The following TBC1D5 variants were observed in gnomAD, a reference collection of about 807,000 sequenced individuals.
TBC1D5 encodes TBC1 domain family, member 5.
Under a neutral mutation model 100.3 loss-of-function variants are expected in TBC1D5, and 75 were observed. The ratio of observed to expected loss-of-function variants is 0.75; its 90% CI spans 0.62 to 0.91. The LOEUF (loss-of-function observed/expected upper bound fraction) is 0.91. TBC1D5 is among the 40% of genes least tolerant of loss of function. The pLI is 0.00. For missense variants in TBC1D5, 910 were observed against 942.4 expected (o/e 0.97, Z 0.45); for synonymous variants, 323 against 325.6 (o/e 0.99, Z 0.09).
intron 2 of TBC1D5, among the ~76,000 whole-genome samples, chr3:17,589,155 T>C (rs1185342879): frequency 1.3e-5 from 2 of 152,348 alleles, no homozygotes; most frequent in East Asian, 1.9e-4. Flanking sequence ...TTAAGCTGTA[T>C]TGGGTAATTC....
At chr3:17,688,502 G>A (rs1021349365) in intron 1 of TBC1D5, among the ~76,000 whole-genome samples, 2 of 152,158 alleles carry the variant, frequency 1.3e-5, no homozygotes, top group African/African-American at 4.8e-5. Context: ...TTAGGTTCAG[G>A]CTTCAATTTA....
At chr3:17,700,707 C>T (rs528080601) in intron 1 of TBC1D5, among the ~76,000 whole-genome samples, 31 of 152,176 alleles carry the variant, frequency 2.0e-4, no homozygotes, top group African/African-American at 1.7e-4. Flanking sequence ...GACATCTACG[C>T]GGCCAACAGA....
At chr3:17,595,883 A>G (rs2060529555) in intron 2 of TBC1D5, among the ~76,000 whole-genome samples, 1 of 152,156 alleles carries the variant, frequency 6.6e-6, no homozygotes, top group African/African-American at 2.4e-5. Flanking sequence ...ACCTTGCTAG[A>G]AGTGTTAACA....
At chr3:17,348,795 T>C (rs931654617) in intron 13 of TBC1D5, among the ~76,000 whole-genome samples, 4 of 152,180 alleles carry the variant, frequency 2.6e-5, no homozygotes, top group Non-Finnish European at 5.9e-5. Flanking sequence ...AGAAACCTGT[T>C]CTCTTCATTC....
At chr3:17,639,328 A>G (rs1367131235) in intron 1 of TBC1D5, among the ~76,000 whole-genome samples, 1 of 152,128 alleles carries the variant, frequency 6.6e-6, no homozygotes, top group Non-Finnish European at 1.5e-5. Context: ...GCAAAGCTAT[A>G]AACACTAAAA....
chr3:17,162,646 G>A (rs950736442), intron 21 of TBC1D5, among the ~76,000 whole-genome samples: 5 of 149,714 alleles, frequency 3.3e-5, no homozygotes, highest in African/African-American at 1.3e-4. Context: ...CATAGCACAC[G>A]GTAGTCTGAT....
intron 1 of TBC1D5, among the ~76,000 whole-genome samples, chr3:17,708,325 C>T (rs764031257): frequency 5.3e-4 from 80 of 152,298 alleles, no homozygotes; most frequent in South Asian, 2.3e-3. Flanking sequence ...TATCAAGTAG[C>T]GAATCACATA....
chr3:17,733,252 T>C (rs2076706559), intron 1 of TBC1D5, among the ~76,000 whole-genome samples: 1 of 152,198 alleles, frequency 6.6e-6, no homozygotes, highest in Non-Finnish European at 1.5e-5. Flanking sequence ...TCCCAATGAC[T>C]TCTATTAACC....
At chr3:17,426,099 A>C (rs767488066) in intron 4 of TBC1D5, among the ~76,000 whole-genome samples, 1 of 152,210 alleles carries the variant, frequency 6.6e-6, no homozygotes, top group African/African-American at 2.4e-5. Context: ...TTTAAATAAT[A>C]CAAAGGTAGA....
chr3:17,689,592 A>G, intron 1 of TBC1D5, among the ~76,000 whole-genome samples: 1 of 152,118 alleles, frequency 6.6e-6, no homozygotes, highest in Non-Finnish European at 1.5e-5. Context: ...ATGTAATAAA[A>G]GATAAATGTA....
intron 13 of TBC1D5, among the ~76,000 whole-genome samples, chr3:17,348,934 C>A (rs1373305037): frequency 2.0e-5 from 3 of 152,142 alleles, no homozygotes; most frequent in African/African-American, 4.8e-5. Flanking sequence ...CAATCACAGG[C>A]TGAGTAACAT....
intron 13 of TBC1D5, among the ~76,000 whole-genome samples, chr3:17,350,516 C>CT (rs1467038187): frequency 1.3e-4 from 20 of 152,280 alleles, no homozygotes; most frequent in African/African-American, 4.8e-4. Flanking sequence ...TGAATGTGTA[C>CT]TACCTGCATG....
intron 13 of TBC1D5, among the ~76,000 whole-genome samples, chr3:17,335,890 A>T (rs1274217992): frequency 6.6e-6 from 1 of 152,090 alleles, no homozygotes; most frequent in Non-Finnish European, 1.5e-5. Context: ...ATAGTGCCCA[A>T]ATAAGTATTG....
chr3:17,724,010 A>G (rs1356830038), intron 1 of TBC1D5, among the ~76,000 whole-genome samples: 1 of 150,612 alleles, frequency 6.6e-6, no homozygotes, highest in Non-Finnish European at 1.5e-5. Context: ...GAAAATGTCT[A>G]TTTCACTATT....
At chr3:17,243,998 C>T (rs2076521166) in intron 16 of TBC1D5, among the ~76,000 whole-genome samples, 1 of 152,106 alleles carries the variant, frequency 6.6e-6, no homozygotes, top group Non-Finnish European at 1.5e-5. Context: ...GGAGTAAGTC[C>T]TACATACAAT....
chr3:17,720,864 G>A (rs563101060), intron 1 of TBC1D5, among the ~76,000 whole-genome samples: 19 of 151,450 alleles, frequency 1.3e-4, no homozygotes, highest in African/African-American at 4.6e-4. Context: ...TTTTGAGATG[G>A]AGTCTCACTC....
intron 3 of TBC1D5, among the ~76,000 whole-genome samples, chr3:17,469,648 C>G (rs1295910740): frequency 6.6e-6 from 1 of 152,206 alleles, no homozygotes; most frequent in Non-Finnish European, 1.5e-5. Flanking sequence ...ACCTATCAAT[C>G]AAACCCATGT....
intron 19 of TBC1D5, among the ~76,000 whole-genome samples, chr3:17,176,650 G>T (rs925606786): frequency 1.4e-4 from 22 of 152,030 alleles, no homozygotes; most frequent in Admixed American, 7.9e-4. Context: ...GGGCCTGTTG[G>T]AGGGTGAGGG....
chr3:17,343,669 T>G (rs2089379403), intron 13 of TBC1D5, among the ~76,000 whole-genome samples: 1 of 152,098 alleles, frequency 6.6e-6, no homozygotes, highest in Admixed American at 6.5e-5. Context: ...TATTCAGAGA[T>G]TCAACTTCTT....
Sources: gnomAD v4.1 joint callset for allele counts (sites outside exome capture counted in the v4.1 genomes callset) on GRCh38, gnomAD v4.1.1 for gene constraint, MANE v1.5 for transcripts, NCBI Gene and HGNC (gene_info 2026-07-23, HGNC 2026-07-21) for gene names.